The following NTM variants were observed in gnomAD, a reference collection of about 807,000 sequenced individuals.
NTM encodes IgLON family member 2.
Under a neutral mutation model 42.1 loss-of-function variants are expected in NTM, and 13 were observed. The ratio of observed to expected loss-of-function variants is 0.31; its 90% CI spans 0.20 to 0.49. NTM has a LOEUF of 0.49. Among genes scored for constraint, NTM ranks in the 20% least tolerant of loss-of-function variants. The probability of loss-of-function intolerance (pLI) is 0.99; values close to 1 mark genes in which losing one functional copy is unlikely to be tolerated. For synonymous variants in NTM, 187 were observed against 179.2 expected, an observed-to-expected ratio of 1.04 and a Z score of -0.35; for missense variants, 373 against 452.8, an observed-to-expected ratio of 0.82 and a Z score of 1.60.
chr11:131,662,351 C>T (rs981352067), intron 1 of NTM: 1 of 152,204 alleles, frequency 6.6e-6, no homozygotes, highest in Non-Finnish European at 1.5e-5. Flanking sequence ...CCTCCGAAGA[C>T]ACTGTGACTC....
At chr11:131,816,190 C>A (rs1592054202) in intron 1 of NTM, among the ~76,000 whole-genome samples, 2 of 152,124 alleles carry the variant, frequency 1.3e-5, no homozygotes, top group Admixed American at 6.5e-5. Context: ...TGGATCACAC[C>A]AAGTGAATCC....
At chr11:131,845,222 T>C (rs1278155353) in intron 1 of NTM, among the ~76,000 whole-genome samples, 1 of 152,242 alleles carries the variant, frequency 6.6e-6, no homozygotes, top group African/African-American at 2.4e-5. Flanking sequence ...GTGATTTTTT[T>C]CCTCAAAGTT....
At chr11:131,990,070 T>A (rs762906124) in intron 2 of NTM, among the ~76,000 whole-genome samples, 1 of 152,178 alleles carries the variant, frequency 6.6e-6, no homozygotes, top group African/African-American at 2.4e-5. Flanking sequence ...ATCAGTCTTA[T>A]TGATTTTGAT....
intron 1 of NTM, among the ~76,000 whole-genome samples, chr11:131,387,853 A>G (rs1173230240): frequency 8.0e-6 from 1 of 125,388 alleles, no homozygotes. Context: ...ACTCCAACCC[A>G]TCATTTTTAT....
chr11:132,104,347 AT>A (rs200559030), intron 2 of NTM, among the ~76,000 whole-genome samples: 2,508 of 150,706 alleles, frequency 0.017, 74 homozygotes, highest in African/African-American at 0.057. Flanking sequence ...TCCTCCCTCC[AT>A]TTTCCCCCGT....
chr11:131,878,593 AAATATATATATATATATAT>A lies in NTM; in HGVS notation c.83-32969_83-32951del, dbSNP rs1353206796. On this transcript the variant is annotated intron_variant, in intron 1 of 8. Coordinates refer to ENST00000683400, the MANE Select transcript of NTM (RefSeq NM_001352005.2). ...TCAAAAAAAAAAAAAAAAAAAAAAA[AAATATATATATATATATAT>A]ATATATATATATATATATATATATA... Among the ~76,000 whole-genome samples the A allele has an allele frequency of 5.2e-4, 13 of 25,110 alleles. 2 individuals are homozygous for A. The highest frequency in any genetic ancestry group is 1.3e-3 in the Admixed American group (2 of 1,574). The allele number at this position is 25,110 out of a possible 152,430, so 16.5% of individuals were successfully genotyped here.
At chr11:132,216,830 G>C (rs191477800) in intron 4 of NTM, among the ~76,000 whole-genome samples, 14 of 152,324 alleles carry the variant, frequency 9.2e-5, no homozygotes, top group Admixed American at 9.1e-4. Flanking sequence ...CCTTCACTTT[G>C]ATGTTGGCAT....
chr11:132,086,848 T>C (rs1790180), intron 2 of NTM, among the ~76,000 whole-genome samples: 82,624 of 152,050 alleles, frequency 0.54, 22,922 homozygotes, highest in African/African-American at 0.59. Context: ...CCAACCAGTG[T>C]CAGGTTTTGG....
chr11:132,043,203 A>T (rs948869369), intron 2 of NTM, among the ~76,000 whole-genome samples: 3 of 151,926 alleles, frequency 2.0e-5, no homozygotes, highest in Admixed American at 6.5e-5. Context: ...GCTACTGCTT[A>T]GCTTTGGTTA....
chr11:132,307,983 T>C (rs1299611256), intron 5 of NTM, among the ~76,000 whole-genome samples, 160 bp downstream of exon 5: 1 of 152,200 alleles, frequency 6.6e-6, no homozygotes, highest in Non-Finnish European at 1.5e-5. Flanking sequence ...CATTTCAAAC[T>C]CGAGTTTTTG....
intron 2 of NTM, among the ~76,000 whole-genome samples, chr11:132,070,827 A>C (rs5027676): frequency 7.5e-6 from 1 of 133,400 alleles, no homozygotes; most frequent in Non-Finnish European, 1.6e-5. Flanking sequence ...AACACGTCAC[A>C]CAGCCAAGTT....
intron 1 of NTM, chr11:131,795,047 A>G (rs986401059): frequency 4.7e-5 from 42 of 888,036 alleles, no homozygotes; most frequent in Admixed American, 6.2e-5. Context: ...AAAGGGGGGG[A>G]AAAAAACAGC....
chr11:131,707,297 G>A (rs755369362), intron 1 of NTM, among the ~76,000 whole-genome samples: 1 of 151,872 alleles, frequency 6.6e-6, no homozygotes, highest in Admixed American at 6.6e-5. Context: ...TGTCCTTCAG[G>A]TTCATTCATA....
intron 1 of NTM, among the ~76,000 whole-genome samples, chr11:131,899,502 G>A (rs543998381): frequency 1.3e-5 from 2 of 152,268 alleles, no homozygotes; most frequent in Non-Finnish European, 2.9e-5. Context: ...GGAATTACTG[G>A]GTAGATGGGA....
intron 1 of NTM, among the ~76,000 whole-genome samples, chr11:131,477,592 T>C (rs1275303145): frequency 6.6e-6 from 1 of 151,766 alleles, no homozygotes; most frequent in African/African-American, 2.4e-5. Flanking sequence ...GTCCAGTAAA[T>C]CATATCCACC....
chr11:132,005,778 A>G (rs1455033329), intron 2 of NTM, among the ~76,000 whole-genome samples: 1 of 152,158 alleles, frequency 6.6e-6, no homozygotes, highest in Non-Finnish European at 1.5e-5. Context: ...TTTCACCTGC[A>G]TCTGCCCACA....
At chr11:132,119,818 G>A (rs1239538441) in intron 2 of NTM, among the ~76,000 whole-genome samples, 1 of 152,234 alleles carries the variant, frequency 6.6e-6, no homozygotes, top group African/African-American at 2.4e-5. Flanking sequence ...GGCAGTGCTG[G>A]GTTAGGGTTC....
At chr11:131,800,320 T>C (rs1302119348) in intron 1 of NTM, among the ~76,000 whole-genome samples, 1 of 152,244 alleles carries the variant, frequency 6.6e-6, no homozygotes, top group African/African-American at 2.4e-5. Flanking sequence ...TAAACGGTTT[T>C]ACTTCCATTT....
At position 132,321,071 on chromosome 11, in the gene NTM, G is replaced by A. The variant is rs971004101; in HGVS notation, c.934+6368G>A. ...CAAAAGTAGATAAAACCACAAAGAT[G>A]GGGAAAAAACAGAACAGAAAAACTG... On this transcript the variant is annotated intron_variant, in intron 7 of 8. Transcript: ENST00000683400. 9.9e-5 allele frequency among the ~76,000 whole-genome samples: 15 copies of A among 151,934 alleles called. No homozygotes were observed. The East Asian group carries it at 2.5e-3, about 25-fold the overall frequency.
Sources: gnomAD v4.1 joint callset for allele counts (sites outside exome capture counted in the v4.1 genomes callset) on GRCh38, gnomAD v4.1.1 for gene constraint, MANE v1.5 for transcripts, NCBI Gene and HGNC (gene_info 2026-07-23, HGNC 2026-07-21) for gene names.